Variants in COP1 observed in about 807,000 individuals in gnomAD.
COP1 encodes the protein E3 ubiquitin-protein ligase COP1.
COP1 carries 24 observed loss-of-function variants against 101.3 expected under a neutral mutation model. That is an observed-to-expected ratio of 0.24 (90% CI 0.17 to 0.33). The LOEUF is 0.33. Ranked by LOEUF, COP1 falls within the 10% of genes least tolerant of loss-of-function variation. COP1 has a pLI of 1.00. For synonymous variants in COP1, 347 were observed against 341.9 expected, an observed-to-expected ratio of 1.01 and a Z score of -0.17; for missense variants, 663 against 906.2, an observed-to-expected ratio of 0.73 and a Z score of 3.45.
intron 8 of COP1, among the ~76,000 whole-genome samples, chr1:176,127,561 C>CTGTGTGTG (rs71129555): frequency 0.081 from 12,027 of 148,140 alleles, 537 homozygotes; most frequent in Non-Finnish European, 0.097. Flanking sequence ...TAGTATTCTA[C>CTGTGTGTG]TGTGTGTGTG....
chr1:176,073,549 G>A (rs1290741765), intron 11 of COP1, among the ~76,000 whole-genome samples: 1 of 152,130 alleles, frequency 6.6e-6, no homozygotes. Context: ...AATAAAAAAT[G>A]CAAAATATGC....
chr1:176,196,108 C>G (rs551113664), intron 1 of COP1, among the ~76,000 whole-genome samples: 1 of 152,226 alleles, frequency 6.6e-6, no homozygotes, highest in East Asian at 1.9e-4. Flanking sequence ...TTTGAAGATA[C>G]AGCTAAAGTA....
At chr1:176,120,822 T>G (rs1451248857) in intron 8 of COP1, among the ~76,000 whole-genome samples, 1 of 152,182 alleles carries the variant, frequency 6.6e-6, no homozygotes, top group Non-Finnish European at 1.5e-5. Flanking sequence ...CATATTGATT[T>G]TAGACTAGCC....
chr1:176,109,515 T>G (rs1012042753), intron 9 of COP1, among the ~76,000 whole-genome samples: 1 of 152,188 alleles, frequency 6.6e-6, no homozygotes, highest in Non-Finnish European at 1.5e-5. Context: ...GTTGATGAGG[T>G]AAATTCATCA....
At chr1:175,983,684 TG>T (rs1656418928) in intron 18 of COP1, among the ~76,000 whole-genome samples, 1 of 152,282 alleles carries the variant, frequency 6.6e-6, no homozygotes, top group South Asian at 2.1e-4. Flanking sequence ...TGGGAAAATT[TG>T]GAACTCCCTA....
chr1:176,059,304 G>A (rs1297849993), intron 11 of COP1, among the ~76,000 whole-genome samples: 2 of 151,954 alleles, frequency 1.3e-5, no homozygotes, highest in Admixed American at 6.6e-5. Flanking sequence ...TCTTTGTATG[G>A]CAATAAAACA....
chr1:176,076,964 A>C (rs1271305620), intron 11 of COP1, among the ~76,000 whole-genome samples: 1 of 152,140 alleles, frequency 6.6e-6, no homozygotes, highest in East Asian at 1.9e-4. Context: ...TCAGAAATTG[A>C]ATCAGTAATT....
intron 1 of COP1, among the ~76,000 whole-genome samples, chr1:176,185,459 A>C (rs1337085698): frequency 6.6e-6 from 1 of 152,240 alleles, no homozygotes; most frequent in Non-Finnish European, 1.5e-5. Flanking sequence ...AAGAATAAAA[A>C]ACAGAATACT....
chr1:176,194,548 G>C (rs942011742), intron 1 of COP1, among the ~76,000 whole-genome samples: 9 of 152,134 alleles, frequency 5.9e-5, no homozygotes, highest in African/African-American at 9.7e-5. Context: ...TGAGGCAGGA[G>C]AATCACTCGA....
intron 1 of COP1, among the ~76,000 whole-genome samples, chr1:176,185,785 T>C (rs568753340): frequency 4.6e-5 from 7 of 152,336 alleles, no homozygotes; most frequent in East Asian, 1.9e-4. Context: ...TCACATTACA[T>C]GAGAAGGTAA....
At chr1:176,006,882 C>G (rs1032629670) in intron 15 of COP1, among the ~76,000 whole-genome samples, 1 of 151,856 alleles carries the variant, frequency 6.6e-6, no homozygotes, top group Non-Finnish European at 1.5e-5. Flanking sequence ...TTTCCTGAAT[C>G]TGAACGTTGG....
chr1:176,191,816 A>C (rs539345925), intron 1 of COP1, among the ~76,000 whole-genome samples: 4 of 152,208 alleles, frequency 2.6e-5, no homozygotes, highest in African/African-American at 9.6e-5. Context: ...ATTCCTCCCT[A>C]ATCTGTCTCC....
chr1:176,089,586 A>G (rs779300771), intron 9 of COP1, among the ~76,000 whole-genome samples: 1 of 152,220 alleles, frequency 6.6e-6, no homozygotes, highest in African/African-American at 2.4e-5. Flanking sequence ...ACTGTAATGT[A>G]TACTACAGTG....
rs147681332 is a variant in COP1 at position 175,980,086 on chromosome 1, A to G, written c.2133+6857T>C. Among the ~76,000 whole-genome samples, 946 of 152,300 alleles carry G rather than the reference A, an allele frequency of 6.2e-3. 14 individuals carry two copies. Among genetic ancestry groups the G allele is most frequent in the African/African-American group, 0.021 (893 of 41,578 alleles). ...TTTAACATTATAACAACCCTAGAAG[A>G]TAAGTGGCTATTATTATGGGCACTT... On this transcript the variant is annotated intron_variant, in intron 18 of 19. Coordinates refer to ENST00000367669, the MANE Select transcript of COP1 (RefSeq NM_022457.7).
In COP1 at chr1:176,031,776, A is replaced by G. The variant is rs902034202; in HGVS notation, c.1613-4088T>C. Among the ~76,000 whole-genome samples the G allele has an allele frequency of 2.2e-4, 34 of 152,312 alleles. 1 individual carries two copies. The highest frequency in any genetic ancestry group is 1.7e-3 in the Admixed American group (26 of 15,296). On this transcript the variant is annotated intron_variant, in intron 14 of 19. Coordinates refer to ENST00000367669, the MANE Select transcript of COP1 (RefSeq NM_022457.7). ...AACGTTAATGTGTAAAGTGTCTTCT[A>G]AGTGTCACCTAATTTTTCAGTTCGA...
At chr1:176,161,791 C>T (rs1302636291) in intron 5 of COP1, among the ~76,000 whole-genome samples, 3 of 152,056 alleles carry the variant, frequency 2.0e-5, no homozygotes, top group Non-Finnish European at 2.9e-5. Flanking sequence ...CCCATTTACC[C>T]GACCTCCCAA....
intron 18 of COP1, among the ~76,000 whole-genome samples, chr1:175,976,833 C>T (rs1304900482): frequency 6.6e-6 from 1 of 152,124 alleles, no homozygotes; most frequent in African/African-American, 2.4e-5. Flanking sequence ...AGACATTGAA[C>T]TTCTTATTTA....
At chr1:176,103,802 T>C (rs1429324492) in intron 9 of COP1, among the ~76,000 whole-genome samples, 1 of 152,054 alleles carries the variant, frequency 6.6e-6, no homozygotes, top group Non-Finnish European at 1.5e-5. Context: ...TTATGAAAAA[T>C]ATAGGCAAAA....
intron 3 of COP1, among the ~76,000 whole-genome samples, chr1:176,164,134 A>G (rs1694745976): frequency 6.6e-6 from 1 of 152,160 alleles, no homozygotes; most frequent in Non-Finnish European, 1.5e-5. Context: ...TTTCCCTTAC[A>G]TGTTTCTCAA....
Sources: gnomAD v4.1 joint callset for allele counts (sites outside exome capture counted in the v4.1 genomes callset) on GRCh38, gnomAD v4.1.1 for gene constraint, MANE v1.5 for transcripts, NCBI Gene and HGNC (gene_info 2026-07-23, HGNC 2026-07-21) for gene names.